GPM6B: variants seen among roughly 807,000 people sequenced by gnomAD.
GPM6B encodes the protein neuronal membrane glycoprotein M6-b.
GPM6B carries 4 observed loss-of-function variants against 27.2 expected under a neutral mutation model. The observed-to-expected ratio is 0.15, with a 90% CI of 0.07 to 0.34. The LOEUF is 0.34. Among genes scored for constraint, GPM6B ranks in the 10% least tolerant of loss-of-function variants. The probability of loss-of-function intolerance (pLI) is 1.00; values close to 1 mark genes in which losing one functional copy is unlikely to be tolerated. For synonymous variants in GPM6B, 124 were observed against 103.1 expected (o/e 1.20, Z -1.23); for missense variants, 183 against 261.9 (o/e 0.70, Z 2.08).
chrX:13,839,172 C>T (rs1466818366), intron 1 of GPM6B, among the ~76,000 whole-genome samples: 1 of 111,613 alleles, frequency 9.0e-6, no homozygotes, highest in Non-Finnish European at 1.9e-5. Context: ...CTTATCTTAA[C>T]TACTATCATT....
At chrX:13,776,165 T>G in intron 7 of GPM6B, 73 bp downstream of exon 7, 1 of 887,835 alleles carries the variant, frequency 1.1e-6, no homozygotes, top group South Asian at 2.1e-5. Flanking sequence ...TGGTAAAAGC[T>G]GGAAGGGAAA....
chrX:13,910,478 T>C (rs1412298537), intron 1 of GPM6B, among the ~76,000 whole-genome samples: 1 of 113,144 alleles, frequency 8.8e-6, no homozygotes, highest in African/African-American at 3.2e-5. Flanking sequence ...GAGTACTGTA[T>C]CTTGGCATTA....
chrX:13,843,142 GC>G (rs746953747), intron 1 of GPM6B, among the ~76,000 whole-genome samples: 137 of 112,142 alleles, frequency 1.2e-3, no homozygotes, highest in African/African-American at 4.2e-3. Flanking sequence ...ACCATTAGGA[GC>G]TTTCTCCATA....
chrX:13,898,281 C>A (rs934400664), intron 1 of GPM6B, among the ~76,000 whole-genome samples: 3 of 112,289 alleles, frequency 2.7e-5, no homozygotes, highest in Non-Finnish European at 5.6e-5. Flanking sequence ...CTAGTTATAA[C>A]GACCAAAAAT....
chrX:13,783,317 T>C, intron 4 of GPM6B, 48 bp downstream of exon 4: 1 of 1,052,591 alleles, frequency 9.5e-7, no homozygotes, highest in African/African-American at 1.9e-5. Context: ...CATCAAGGCA[T>C]GGCTCTGGTT....
chrX:13,781,286 C>A (rs1656010079), intron 4 of GPM6B, among the ~76,000 whole-genome samples: 1 of 111,593 alleles, frequency 9.0e-6, no homozygotes, highest in Non-Finnish European at 1.9e-5. Flanking sequence ...TGGGCACAAA[C>A]CTCCCACACA....
intron 2 of GPM6B, among the ~76,000 whole-genome samples, chrX:13,802,579 T>C (rs1335347226): frequency 9.0e-6 from 1 of 110,597 alleles, no homozygotes; most frequent in Non-Finnish European, 1.9e-5. Context: ...AAGACTGCCA[T>C]AGCAGTCAGT....
intron 4 of GPM6B, 28 bp downstream of exon 4, chrX:13,783,337 A>T: frequency 8.8e-7 from 1 of 1,135,838 alleles, no homozygotes; most frequent in African/African-American, 1.8e-5. Context: ...TGTATATCAA[A>T]CAATCAGTTA....
At chrX:13,856,981 G>A (rs761154068) in intron 1 of GPM6B, among the ~76,000 whole-genome samples, 12 of 111,217 alleles carry the variant, frequency 1.1e-4, no homozygotes, top group Admixed American at 1.1e-3. Context: ...GCTTCTACTC[G>A]CCTCTTATAA....
intron 1 of GPM6B, among the ~76,000 whole-genome samples, chrX:13,829,832 C>T (rs1664367763): frequency 9.3e-6 from 1 of 107,679 alleles, no homozygotes; most frequent in Admixed American, 1.0e-4. Context: ...CACCTGGGTA[C>T]TCAAGTCCAA....
chrX:13,855,613 T>A (rs1212628199), intron 1 of GPM6B, among the ~76,000 whole-genome samples: 1 of 111,990 alleles, frequency 8.9e-6, no homozygotes, highest in Non-Finnish European at 1.9e-5. Context: ...TAGCAAAAAA[T>A]TTCAAAATTG....
chrX:13,874,357 AT>A (rs1475943258), intron 1 of GPM6B, among the ~76,000 whole-genome samples: 1 of 111,096 alleles, frequency 9.0e-6, no homozygotes, highest in Non-Finnish European at 1.9e-5. Context: ...TACTCAACAC[AT>A]TCTGGAAGGT....
chrX:13,785,202 T>C (rs2048586455), intron 3 of GPM6B, among the ~76,000 whole-genome samples: 1 of 112,076 alleles, frequency 8.9e-6, no homozygotes, highest in Non-Finnish European at 1.9e-5. Context: ...AAGTGAGCTT[T>C]AAGTAAAAGC....
At chrX:13,826,043 G>A (rs1373900740) in intron 1 of GPM6B, among the ~76,000 whole-genome samples, 1 of 111,841 alleles carries the variant, frequency 8.9e-6, no homozygotes, top group African/African-American at 3.3e-5. Context: ...GGATGGAGAG[G>A]TTAAAAGGGC....
At chrX:13,860,980 G>A (rs2049838195) in intron 1 of GPM6B, among the ~76,000 whole-genome samples, 1 of 107,829 alleles carries the variant, frequency 9.3e-6, no homozygotes, top group Non-Finnish European at 1.9e-5. Flanking sequence ...TTATATGGCT[G>A]AGTATTCCAC....
intron 1 of GPM6B, among the ~76,000 whole-genome samples, chrX:13,877,008 T>A (rs1323596138): frequency 9.0e-6 from 1 of 110,989 alleles, no homozygotes; most frequent in East Asian, 2.8e-4. Context: ...CAGCTGTGTA[T>A]TTCAGTATCA....
intron 1 of GPM6B, among the ~76,000 whole-genome samples, chrX:13,920,969 A>G (rs900301833): frequency 2.7e-5 from 3 of 112,060 alleles, no homozygotes; most frequent in African/African-American, 9.7e-5. Flanking sequence ...CTTTTGTTAC[A>G]TGAATATTTG....
At chrX:13,817,428 G>A, upstream of GPM6B, 1 of 648,940 alleles carries the variant, frequency 1.5e-6, no homozygotes, top group Non-Finnish European at 1.8e-6. Context: ...GAAGGAGAAA[G>A]AAAAGAGCCC....
At chrX:13,839,902 G>T (rs1233674349) in intron 1 of GPM6B, among the ~76,000 whole-genome samples, 5 of 111,785 alleles carry the variant, frequency 4.5e-5, no homozygotes, top group Admixed American at 9.5e-5. Context: ...AAAGAACAAA[G>T]AGGACTCAGA....
Sources: allele counts gnomAD v4.1 joint callset (sites outside exome capture counted in the v4.1 genomes callset), GRCh38; gene constraint gnomAD v4.1.1; transcripts MANE v1.5; gene names NCBI Gene and HGNC (gene_info 2026-07-23, HGNC 2026-07-21).